The following TBC1D8 variants were observed in gnomAD, a reference collection of about 807,000 sequenced individuals.
TBC1D8 encodes BUB2-like protein 1.
Under a neutral mutation model 118.8 loss-of-function variants are expected in TBC1D8, and 65 were observed. The observed-to-expected ratio is 0.55, with a 90% CI of 0.45 to 0.67. TBC1D8 has a LOEUF of 0.67. Ranked by LOEUF, TBC1D8 falls within the 30% of genes least tolerant of loss-of-function variation. TBC1D8 has a pLI of 0.00. For synonymous variants in TBC1D8, 566 were observed against 595.8 expected (o/e 0.95, Z 0.73); for missense variants, 1,376 against 1,471.2 (o/e 0.94, Z 1.06).
intron 19 of TBC1D8, 137 bp downstream of exon 19, chr2:101,010,792 G>A (rs1020531486): frequency 7.7e-6 from 5 of 645,488 alleles, no homozygotes; most frequent in Non-Finnish European, 1.3e-5. Context: ...TGAGGCAGGA[G>A]AACTGCTTGA....
At chr2:101,062,471 T>C (rs1490510313) in intron 2 of TBC1D8, among the ~76,000 whole-genome samples, 4 of 152,218 alleles carry the variant, frequency 2.6e-5, no homozygotes, top group Non-Finnish European at 5.9e-5. Flanking sequence ...TTTGTGGTGC[T>C]AGTCTGTTCC....
At chr2:101,088,836 T>A (rs1675816152) in intron 2 of TBC1D8, among the ~76,000 whole-genome samples, 1 of 152,134 alleles carries the variant, frequency 6.6e-6, no homozygotes, top group African/African-American at 2.4e-5. Context: ...CCTCCCAAAG[T>A]GCTGTGATTA....
chr2:101,058,273 AAGT>A (rs1682553978), intron 3 of TBC1D8, among the ~76,000 whole-genome samples: 4 of 152,174 alleles, frequency 2.6e-5, no homozygotes, highest in Non-Finnish European at 5.9e-5. Flanking sequence ...CAAATCCCAC[AAGT>A]AACCCCCAGT....
At chr2:101,148,327 A>T (rs139765499) in intron 1 of TBC1D8, among the ~76,000 whole-genome samples, 4 of 152,362 alleles carry the variant, frequency 2.6e-5, no homozygotes, top group African/African-American at 9.6e-5. Flanking sequence ...TCCATCATCC[A>T]TGCATACAGT....
chr2:101,121,526 T>C (rs1056102317), intron 1 of TBC1D8, among the ~76,000 whole-genome samples: 6 of 152,236 alleles, frequency 3.9e-5, no homozygotes, highest in African/African-American at 1.4e-4. Context: ...AGATGGTGCC[T>C]TCTAGAGCTG....
chr2:101,125,843 C>A (rs1678327666), intron 1 of TBC1D8, among the ~76,000 whole-genome samples: 1 of 152,174 alleles, frequency 6.6e-6, no homozygotes, highest in South Asian at 2.1e-4. Context: ...CATTCCCGAA[C>A]TTCATTTGAG....
chr2:101,023,564 G>A (rs1680166133), intron 15 of TBC1D8: 2 of 395,308 alleles, frequency 5.1e-6, no homozygotes, highest in South Asian at 3.9e-5. Flanking sequence ...ACTTTTTATT[G>A]CATATTTTTA....
intron 2 of TBC1D8, among the ~76,000 whole-genome samples, chr2:101,087,611 C>A (rs1380128024): frequency 1.3e-5 from 2 of 148,724 alleles, no homozygotes; most frequent in East Asian, 3.9e-4. Context: ...GCATTGCACT[C>A]CAGCCTGGGC....
chr2:101,031,398 C>T (rs1362944359), intron 11 of TBC1D8, among the ~76,000 whole-genome samples: 1 of 152,178 alleles, frequency 6.6e-6, no homozygotes, highest in Non-Finnish European at 1.5e-5. Context: ...CCCTTCAGTC[C>T]TTAGGACACA....
chr2:101,100,775 A>T (rs185028211), intron 1 of TBC1D8, among the ~76,000 whole-genome samples: 2 of 152,288 alleles, frequency 1.3e-5, no homozygotes, highest in Admixed American at 6.5e-5. Context: ...CCTGACAAAA[A>T]TAAGCAATCG....
chr2:101,051,291 T>C (rs1682059496), intron 4 of TBC1D8, among the ~76,000 whole-genome samples: 1 of 152,194 alleles, frequency 6.6e-6, no homozygotes, highest in Non-Finnish European at 1.5e-5. Flanking sequence ...TATCGCTGAA[T>C]TGAATGGTAG....
At chr2:101,025,992 G>T (rs1221513003) in intron 15 of TBC1D8, among the ~76,000 whole-genome samples, 1 of 152,186 alleles carries the variant, frequency 6.6e-6, no homozygotes, top group Non-Finnish European at 1.5e-5. Flanking sequence ...AACACTGTTG[G>T]TCCTTCATAG....
chr2:101,071,796 G>C (rs1189842515), intron 2 of TBC1D8, among the ~76,000 whole-genome samples: 5 of 152,150 alleles, frequency 3.3e-5, no homozygotes, highest in Admixed American at 3.3e-4. Flanking sequence ...AAAATTTGCT[G>C]TGTGAAATTT....
chr2:101,145,269 T>C (rs1573117902), intron 1 of TBC1D8, among the ~76,000 whole-genome samples: 1 of 152,248 alleles, frequency 6.6e-6, no homozygotes, highest in Non-Finnish European at 1.5e-5. Context: ...CTTTTATTAA[T>C]AGATTATCAG....
intron 3 of TBC1D8, among the ~76,000 whole-genome samples, chr2:101,054,684 T>C (rs1214100643): frequency 3.3e-5 from 4 of 120,974 alleles, no homozygotes; most frequent in African/African-American, 1.3e-4. Context: ...TTTTTTTTTT[T>C]TTTTTTTTTT....
Position 101,013,411 on chromosome 2 carries a change from C to G in TBC1D8, c.2828-1871G>C, listed in dbSNP as rs1573859661. Reference sequence around the variant, plus strand: ...TTTAAACATGACCTTATTTTTCATTCCTATATATATGTAGCCTGTAATTCA... The same window carrying G: ...TTTAAACATGACCTTATTTTTCATTGCTATATATATGTAGCCTGTAATTCA... On this transcript the variant is annotated intron_variant, in intron 17 of 19. Transcript: ENST00000409318. 2.0e-5 allele frequency among the ~76,000 whole-genome samples: 3 copies of G among 152,242 alleles called. No homozygotes were observed. The South Asian group carries it at 6.2e-4, about 32-fold the overall frequency.
intron 2 of TBC1D8, among the ~76,000 whole-genome samples, chr2:101,081,404 T>C (rs750184496): frequency 6.6e-6 from 1 of 152,178 alleles, no homozygotes; most frequent in Non-Finnish European, 1.5e-5. Context: ...CAGACCTTAC[T>C]GGCTACATAA....
intron 2 of TBC1D8, among the ~76,000 whole-genome samples, chr2:101,069,984 C>T (rs959078252): frequency 2.0e-5 from 3 of 150,974 alleles, no homozygotes; most frequent in African/African-American, 7.3e-5. Context: ...AGCGTGATCT[C>T]GGCTCACTGC....
rs556687903 is a variant in TBC1D8, at chr2:101,114,979, T to G, written c.128-24615A>C. On this transcript the variant is annotated intron_variant, in intron 1 of 19. Coordinates refer to ENST00000409318, the MANE Select transcript of TBC1D8 (RefSeq NM_001330348.2). ...AAAGTGACAATACATAGAGCTAGTC[T>G]GTAAAACACTGCCAACTGGTGTGTT... Among the ~76,000 whole-genome samples, 4 of 152,358 alleles carry G rather than the reference T, an allele frequency of 2.6e-5. No individual in the cohort carries two copies. The South Asian group carries it at 6.2e-4, about 24-fold the overall frequency.
Sources: allele counts gnomAD v4.1 joint callset (sites outside exome capture counted in the v4.1 genomes callset), GRCh38; gene constraint gnomAD v4.1.1; transcripts MANE v1.5; gene names NCBI Gene and HGNC (gene_info 2026-07-23, HGNC 2026-07-21).